Variants in VPS54 observed in about 807,000 individuals in gnomAD.
The protein encoded by VPS54 is vacuolar protein sorting-associated protein 54.
VPS54 carries 45 observed loss-of-function variants against 121.5 expected under a neutral mutation model. That is an observed-to-expected ratio of 0.37 (90% CI 0.29 to 0.47). The LOEUF is 0.47. Ranked by LOEUF, VPS54 falls within the 20% of genes least tolerant of loss-of-function variation. The pLI is 0.99. For synonymous variants in VPS54, 371 were observed against 385.8 expected, an observed-to-expected ratio of 0.96 and a Z score of 0.45; for missense variants, 1,090 against 1,131.4, an observed-to-expected ratio of 0.96 and a Z score of 0.52.
intron 1 of VPS54, among the ~76,000 whole-genome samples, chr2:64,000,296 T>C (rs1055326878): frequency 2.0e-5 from 3 of 152,266 alleles, no homozygotes; most frequent in African/African-American, 7.2e-5. Flanking sequence ...ATTCCATCTC[T>C]GTGTTATCTT....
chr2:63,920,958 GTTA>G (rs895526924), intron 13 of VPS54, among the ~76,000 whole-genome samples: 56 of 152,044 alleles, frequency 3.7e-4, no homozygotes, highest in African/African-American at 1.2e-3. Flanking sequence ...TTTCAAATTA[GTTA>G]TTAACATATA....
At chr2:63,946,140 A>G (rs1321246988) in intron 9 of VPS54, among the ~76,000 whole-genome samples, 1 of 152,106 alleles carries the variant, frequency 6.6e-6, no homozygotes, top group Non-Finnish European at 1.5e-5. Context: ...GGAATCATAC[A>G]ATGTATACTT....
Position 63,983,636 on chromosome 2 carries a change from G to A in VPS54, c.136+228C>T, listed in dbSNP as rs1013571622. 1.3e-5 allele frequency among the ~76,000 whole-genome samples: 2 copies of A among 148,986 alleles called. 1 individual carries two copies. Among genetic ancestry groups the A allele is most frequent in the Admixed American group, 1.3e-4 (2 of 14,902 alleles). ...TTTTTGTAGTTTTAGTAGAGACAGG[G>A]TTTCACCATGTTAGCCAGGATGATC... is the stretch of plus-strand genomic sequence containing the variant. On this transcript the variant is annotated intron_variant, in intron 2 of 22. Coordinates refer to ENST00000272322, the MANE Select transcript of VPS54 (RefSeq NM_016516.3).
Position 63,914,219 on chromosome 2 carries a change from G to A in VPS54, c.2297C>T (p.Thr766Ile). The A allele has an allele frequency of 1.9e-6, 3 of 1,613,742 alleles. No homozygotes were observed. Among genetic ancestry groups the A allele is most frequent in the Non-Finnish European group, 2.5e-6 (3 of 1,179,772 alleles). Residue 766 changes from threonine to isoleucine, a missense_variant, in exon 17 of 23, where the codon ACT becomes ATT. By Grantham distance (89) the Thr-to-Ile change is moderately conservative (BLOSUM62 -1). Around this residue, in one of 2 missense-constraint regions of VPS54, gnomAD observed 289 missense variants for 374.4 expected, o/e 0.77. Coordinates refer to ENST00000272322, the MANE Select transcript of VPS54 (RefSeq NM_016516.3). ...TGACAGACGAGTAAGCATGTCAGTA[G>A]TAACAGATGGGATGTTATCCACACA... ...CQCVDNIPSV[T>I]TDMLTRLSDL...
intron 1 of VPS54, among the ~76,000 whole-genome samples, chr2:63,984,835 G>C (rs1388640120): frequency 6.6e-6 from 1 of 152,142 alleles, no homozygotes; most frequent in Non-Finnish European, 1.5e-5. Context: ...AAGCAATATT[G>C]AAACTGGACA....
At chr2:63,949,381 A>G (rs1426967010) in intron 7 of VPS54, among the ~76,000 whole-genome samples, 1 of 152,188 alleles carries the variant, frequency 6.6e-6, no homozygotes, top group East Asian at 1.9e-4. Context: ...CTTGAACAAC[A>G]TGGGGGTTAG....
intron 3 of VPS54, among the ~76,000 whole-genome samples, chr2:63,974,831 T>C (rs1025841811): frequency 2.0e-4 from 31 of 152,180 alleles, no homozygotes; most frequent in African/African-American, 6.5e-4. Context: ...GAGTTTCTTT[T>C]TGGATTCTTT....
chr2:63,906,164 T>G (rs981683417), intron 20 of VPS54, among the ~76,000 whole-genome samples: 1 of 152,142 alleles, frequency 6.6e-6, no homozygotes, highest in African/African-American at 2.4e-5. Flanking sequence ...AACGTTGTGC[T>G]GAAAGTCCTA....
chr2:63,912,488 A>T (rs1673192557), intron 19 of VPS54, 52 bp downstream of exon 19: 1 of 1,609,634 alleles, frequency 6.2e-7, no homozygotes, highest in Non-Finnish European at 8.5e-7. Flanking sequence ...AATACTTAAC[A>T]ATTAAGGATC....
intron 11 of VPS54, among the ~76,000 whole-genome samples, chr2:63,935,365 ATT>A (rs533995689): frequency 6.6e-6 from 1 of 151,830 alleles, no homozygotes; most frequent in Admixed American, 6.6e-5. Context: ...TGGATACTGC[ATT>A]TTTTTTCTTT....
At chr2:63,913,115 T>C (rs1047276326) in intron 18 of VPS54, 108 bp downstream of exon 18, 7 of 847,222 alleles carry the variant, frequency 8.3e-6, no homozygotes, top group Non-Finnish European at 1.2e-5. Flanking sequence ...TTTAGAGTAA[T>C]GCCACTTTGG....
At chr2:63,999,229 T>C (rs541116064) in intron 1 of VPS54, among the ~76,000 whole-genome samples, 1 of 152,282 alleles carries the variant, frequency 6.6e-6, no homozygotes, top group South Asian at 2.1e-4. Context: ...GGATTACCGG[T>C]GTGAGCCACT....
intron 3 of VPS54, among the ~76,000 whole-genome samples, chr2:63,974,678 A>G (rs915229390): frequency 2.0e-5 from 3 of 152,072 alleles, no homozygotes; most frequent in African/African-American, 7.2e-5. Context: ...TAAAGCCTTC[A>G]TTTTCTTTGA....
intron 12 of VPS54, among the ~76,000 whole-genome samples, chr2:63,923,090 G>C (rs560052066): frequency 1.7e-4 from 26 of 152,258 alleles, no homozygotes; most frequent in African/African-American, 5.1e-4. Context: ...GAGGCGGGCA[G>C]ATCATGAGGT....
chr2:63,992,071 T>C (rs750995454), intron 1 of VPS54, among the ~76,000 whole-genome samples: 80 of 152,218 alleles, frequency 5.3e-4, no homozygotes, highest in Admixed American at 5.2e-4. Flanking sequence ...ACTGGTCTCA[T>C]TAATTCTGAT....
At chr2:63,911,009 A>G (rs1002245989) in intron 20 of VPS54, among the ~76,000 whole-genome samples, 1 of 152,186 alleles carries the variant, frequency 6.6e-6, no homozygotes, top group Admixed American at 6.5e-5. Context: ...CCTGGACTCA[A>G]GCATAGTTCC....
At chr2:63,984,277 A>G (rs1664621371) in intron 1 of VPS54, among the ~76,000 whole-genome samples, 1 of 152,246 alleles carries the variant, frequency 6.6e-6, no homozygotes, top group South Asian at 2.1e-4. Flanking sequence ...TGTACCCAAC[A>G]TATATTAAAG....
chr2:63,918,444 A>G (rs547651892), intron 15 of VPS54, among the ~76,000 whole-genome samples: 2 of 149,418 alleles, frequency 1.3e-5, no homozygotes, highest in South Asian at 2.1e-4. Flanking sequence ...TAGATGAGTG[A>G]TAAGTCTTAT....
Position 63,942,535 on chromosome 2 carries a change from T to A in VPS54, c.1328A>T (p.Asn443Ile), listed in dbSNP as rs757076529. The change falls in exon 11 of 23, where the codon AAT (asparagine) becomes ATT (isoleucine). Residue 443 changes from asparagine to isoleucine, a missense_variant. Physicochemically the swap from Asn to Ile is moderately radical, Grantham distance 149 (BLOSUM62 -3). Around this residue, in one of 2 missense-constraint regions of VPS54, gnomAD observed 801 missense variants for 757.0 expected, o/e 1.06. Coordinates refer to ENST00000272322, the MANE Select transcript of VPS54 (RefSeq NM_016516.3). ...VKLADQMRML[N>I]FPQWFDLLKD... ...GAGCAGATCAAACCACTGGGGAAAATTCAACATTCTCATCTGATCTGCAAG... is the reference window on the plus strand; with the variant it reads ...GAGCAGATCAAACCACTGGGGAAAAATCAACATTCTCATCTGATCTGCAAG... 2.5e-6 allele frequency: 4 copies of A among 1,594,910 alleles called. No homozygotes were observed. The highest frequency in any genetic ancestry group is 2.6e-6 in the Non-Finnish European group (3 of 1,169,230).
Sources: allele counts gnomAD v4.1 joint callset (sites outside exome capture counted in the v4.1 genomes callset), GRCh38; gene constraint gnomAD v4.1.1; regional missense constraint gnomAD v4.1.1; transcripts MANE v1.5; gene names NCBI Gene and HGNC (gene_info 2026-07-23, HGNC 2026-07-21).